The following FHOD1 variants were observed in gnomAD, a reference collection of about 807,000 sequenced individuals.
FHOD1 encodes formin homology 2 domain containing 1.
A neutral mutation model predicts 111.6 loss-of-function variants in FHOD1; 89 were observed. The observed-to-expected ratio is 0.80, with a 90% CI of 0.67 to 0.95. The LOEUF (loss-of-function observed/expected upper bound fraction) is 0.95. Ranked by LOEUF, FHOD1 falls within the 40% of genes least tolerant of loss-of-function variation. The pLI, the probability that FHOD1 is intolerant of heterozygous loss-of-function variation, is 0.00. For missense variants in FHOD1, 1,446 were observed against 1,554.2 expected, an observed-to-expected ratio of 0.93 and a Z score of 1.17; for synonymous variants, 618 against 639.0, an observed-to-expected ratio of 0.97 and a Z score of 0.50.
chr16:67,233,834 CTT>C lies in FHOD1; in HGVS notation c.1867_1868del (p.Lys623GlufsTer10). On this transcript the variant is annotated frameshift_variant, in exon 13 of 22. Coordinates refer to ENST00000258201, the MANE Select transcript of FHOD1 (RefSeq NM_013241.3). LOFTEE classifies it high-confidence loss of function. The part of the protein sequence containing the change: ...SVPDSSALPT[K>X]RKTVKLFWRE... ...GCCAGAAAAGTTTTACTGTCTTCCT[CTT>C]AGTGGGGAGGGCTGAGCTGTCAGGC... 5.6e-6 allele frequency: 9 copies of C among 1,608,258 alleles called. No individual in the cohort carries two copies. The highest frequency in any genetic ancestry group is 7.6e-6 in the Non-Finnish European group (9 of 1,177,034).
intron 17 of FHOD1, 33 bp from the exon 18 acceptor site, chr16:67,230,824 C>G (rs1469134885): frequency 6.5e-6 from 10 of 1,547,644 alleles, no homozygotes; most frequent in Non-Finnish European, 8.7e-6. Context: ...ATACTGTCCC[C>G]CCACACCCTG....
chr16:67,236,520 G>T, intron 11 of FHOD1, 37 bp downstream of exon 11: 1 of 1,601,152 alleles, frequency 6.2e-7, no homozygotes, highest in Non-Finnish European at 8.5e-7. Flanking sequence ...GACAATGGGA[G>T]AGAGGACTCC....
At position 67,238,346 on chromosome 16, in the gene FHOD1, A is replaced by G; in HGVS notation, c.441+34T>C. The G allele has an allele frequency of 6.2e-7, 1 of 1,613,964 alleles. No individual in the cohort carries two copies. ...GGGGGAGTTTAGGGAAGCTTGGGCT[A>G]CACACTTACCCCCAGCCCACTGCGG... On this transcript the variant is annotated intron_variant, in intron 4 of 21. Transcript: ENST00000258201. This position sits in a 1 kb window ranked among gnomAD's most constrained non-coding sequence, Gnocchi z 4.2.
chr16:67,245,858 T>G (rs2034801749), intron 1 of FHOD1, among the ~76,000 whole-genome samples: 1 of 152,130 alleles, frequency 6.6e-6, no homozygotes, highest in Non-Finnish European at 1.5e-5. Context: ...GGATCCGGAC[T>G]TTAGGAGCCT....
chr16:67,245,669 C>T (rs993425919), intron 1 of FHOD1, among the ~76,000 whole-genome samples: 2 of 150,770 alleles, frequency 1.3e-5, no homozygotes, highest in South Asian at 2.2e-4. Flanking sequence ...TGCTAGAACC[C>T]GGGAGGTGGA....
chr16:67,237,398 A>G lies in FHOD1; in HGVS notation c.850-16T>C. Reference sequence around the variant, plus strand: ...CCGCCAGCGTCTGGAGGGCGGGGATAAGAAGGCAAGGCTGAGGTTGGTGGG... The same window carrying G: ...CCGCCAGCGTCTGGAGGGCGGGGATGAGAAGGCAAGGCTGAGGTTGGTGGG... On this transcript the variant is annotated splice_polypyrimidine_tract_variant and intron_variant, in intron 8 of 21. Coordinates refer to ENST00000258201, the MANE Select transcript of FHOD1 (RefSeq NM_013241.3). The surrounding 1 kb of genome is among the most constrained non-coding windows in gnomAD (Gnocchi z 5.6). The G allele has an allele frequency of 1.2e-6, 2 of 1,613,670 alleles. No individual in the cohort carries two copies. Among genetic ancestry groups the G allele is most frequent in the African/African-American group, 2.7e-5 (2 of 75,046 alleles).
chr16:67,230,488 G>C lies in FHOD1; in HGVS notation c.2877C>G (p.Leu959=). Residue 959 remains leucine, a synonymous_variant, in exon 19 of 22, where the codon CTC becomes CTG. Coordinates refer to ENST00000258201, the MANE Select transcript of FHOD1 (RefSeq NM_013241.3). ...CCGCCTGCGGGGTGTAGCCCAGGTA[G>C]AGCAGGAAGGCATGGAACCTAGGCA... is the stretch of plus-strand genomic sequence containing the variant. ...RVCNRFHAFL[L]YLGYTPQAAR... is the part of the protein sequence containing the mutation. 6.2e-7 allele frequency: 1 copy of C among 1,614,244 alleles called. No homozygotes were observed. The highest frequency in any genetic ancestry group is 8.5e-7 in the Non-Finnish European group (1 of 1,180,028).
chr16:67,238,239 A>C lies in FHOD1; in HGVS notation c.510T>G (p.Ala170=). ...AGCTCTGGTAGTTGTGGTCGGCAGC[A>C]GCACCCACACGGATCAGGCAGCTCA... ...EGLSCLIRVG[A]AADHNYQSYI... The change falls in exon 5 of 22, where the codon GCT becomes GCG. Residue 170 remains alanine (A), a synonymous_variant. Transcript: ENST00000258201. This position sits in a 1 kb window ranked among gnomAD's most constrained non-coding sequence, Gnocchi z 4.2. The C allele has an allele frequency of 6.2e-7, 1 of 1,614,172 alleles. No individual in the cohort carries two copies. Among genetic ancestry groups the C allele is most frequent in the Non-Finnish European group, 8.5e-7 (1 of 1,180,018 alleles).
chr16:67,234,196 C>A lies in FHOD1; in HGVS notation c.1507G>T (p.Val503Phe). 1.3e-6 allele frequency: 2 copies of A among 1,548,794 alleles called. No homozygotes were observed. Among genetic ancestry groups the A allele is most frequent in the Non-Finnish European group, 1.7e-6 (2 of 1,145,762 alleles). The stretch of plus-strand genomic sequence containing the variant: ...AGGCTTCGCTGGGCCCGGAGCAGGA[C>A]ACAGGGGGCAGGGCTCTGGGGTGTT... ...ARTPQSPAPC[V>F]LLRAQRSLAP... is the part of the protein sequence containing the mutation. The change falls in exon 13 of 22, where the codon GTC becomes TTC. Residue 503 changes from valine to phenylalanine, a missense_variant. By Grantham distance (50) the Val-to-Phe change is conservative. Coordinates refer to ENST00000258201, the MANE Select transcript of FHOD1 (RefSeq NM_013241.3).
chr16:67,241,949 G>A (rs185890291), intron 1 of FHOD1, among the ~76,000 whole-genome samples: 1 of 152,126 alleles, frequency 6.6e-6, no homozygotes, highest in East Asian at 1.9e-4. Flanking sequence ...TTGGGGAAGG[G>A]TCCTGAAGGT....
intron 13 of FHOD1, among the ~76,000 whole-genome samples, chr16:67,232,622 A>G (rs552915866): frequency 6.6e-6 from 1 of 152,092 alleles, no homozygotes; most frequent in East Asian, 1.9e-4. Context: ...TGATCCCACA[A>G]CTGACAAACT....
chr16:67,244,424 C>T (rs1478328302), intron 1 of FHOD1, among the ~76,000 whole-genome samples: 2 of 152,074 alleles, frequency 1.3e-5, no homozygotes, highest in Non-Finnish European at 2.9e-5. Context: ...CCTGAGTTCC[C>T]CCAGGGACAC....
Position 67,247,358 on chromosome 16 carries a change from A to C in FHOD1, c.53T>G (p.Val18Gly), listed in dbSNP as rs1255213937. The stretch of plus-strand genomic sequence containing the variant: ...GGTGTCTTCCAGGTACTGCACCCTC[A>C]CGGTCACCACTGATACCGGCTCTCC... ...GDGEPVSVVT[V>G]RVQYLEDTDP... Residue 18 changes from valine to glycine, a missense_variant, in exon 1 of 22, where the codon GTG becomes GGG. Around this residue, in one of 3 missense-constraint regions of FHOD1, gnomAD observed 127 missense variants for 118.0 expected, o/e 1.08. Coordinates refer to ENST00000258201, the MANE Select transcript of FHOD1 (RefSeq NM_013241.3). The C allele has an allele frequency of 6.2e-7, 1 of 1,613,534 alleles. No individual in the cohort carries two copies. The highest frequency in any genetic ancestry group is 8.5e-7 in the Non-Finnish European group (1 of 1,179,798).
In FHOD1 at chr16:67,238,931, C is replaced by G; in HGVS notation, c.345G>C (p.Gln115His). 1 of 1,614,214 alleles carries G rather than the reference C, an allele frequency of 6.2e-7. No individual in the cohort carries two copies. The highest frequency in any genetic ancestry group is 8.5e-7 in the Non-Finnish European group (1 of 1,180,028). Residue 115 changes from glutamine to histidine, a missense_variant, in exon 3 of 22, where the codon CAG (glutamine) becomes CAC (histidine). Gln to His is a conservative substitution (Grantham distance 24, BLOSUM62 0). This residue lies in a region of FHOD1 where 234 missense variants were observed against 327.4 expected (regional missense o/e 0.71). Transcript: ENST00000258201. The surrounding 1 kb of genome is among the most constrained non-coding windows in gnomAD (Gnocchi z 4.2). ...AGATAGCGTTGACCCTCACAGAGAG[C>G]TGGGTCCGAAGGATCAGCGTGGGCT... ...GRKPTLILRT[Q>H]LSVRVNAILE...
In FHOD1 at chr16:67,238,169, G is replaced by A. The variant is rs1434669805; in HGVS notation, c.547+33C>T. 1 of 1,613,970 alleles carries A rather than the reference G, an allele frequency of 6.2e-7. No homozygotes were observed. Among genetic ancestry groups the A allele is most frequent in the East Asian group, 2.2e-5 (1 of 44,884 alleles). Reference sequence around the variant, plus strand: ...TGGGCAGAGTCAGCGAGGGTCGCTGGAGCAGAGGTCATGGGAGAGGGGCGG... The same window carrying A: ...TGGGCAGAGTCAGCGAGGGTCGCTGAAGCAGAGGTCATGGGAGAGGGGCGG... On this transcript the variant is annotated intron_variant, in intron 5 of 21. Coordinates refer to ENST00000258201, the MANE Select transcript of FHOD1 (RefSeq NM_013241.3). This position sits in a 1 kb window ranked among gnomAD's most constrained non-coding sequence, Gnocchi z 4.2.
rs753143941 is a variant in FHOD1, at chr16:67,231,684, G to A, written c.2338C>T (p.Arg780Cys). The change falls in exon 15 of 22, where the codon CGT (arginine) becomes TGT (cysteine). Residue 780 changes from arginine (R) to cysteine (C), a missense_variant. Physicochemically the swap from Arg to Cys is radical, Grantham distance 180. Coordinates refer to ENST00000258201, the MANE Select transcript of FHOD1 (RefSeq NM_013241.3). This position sits in a 1 kb window ranked among gnomAD's most constrained non-coding sequence, Gnocchi z 4.3. The part of the protein sequence containing the change: ...TLASIGGLAA[R>C]LQLWAFKLDY... Reference sequence around the variant, plus strand: ...AGCTTGAAGGCCCAGAGTTGTAGACGAGCAGCGAGGCCGCCAATGGAGGCA... The same window carrying A: ...AGCTTGAAGGCCCAGAGTTGTAGACAAGCAGCGAGGCCGCCAATGGAGGCA... The A allele has an allele frequency of 4.0e-5, 64 of 1,614,038 alleles. No individual in the cohort carries two copies. Among genetic ancestry groups the A allele is most frequent in the Middle Eastern group, 1.6e-4 (1 of 6,084 alleles).
At position 67,229,430 on chromosome 16, in the gene FHOD1, A is replaced by C. The variant is rs2034153702; in HGVS notation, c.*206T>G. The C allele has an allele frequency of 1.2e-5, 7 of 606,920 alleles. No homozygotes were observed. Among genetic ancestry groups the C allele is most frequent in the Admixed American group, 3.0e-5 (1 of 33,452 alleles). 37.6% of individuals were successfully genotyped at this position (606,920 alleles called of 1,614,324 possible). A position where few individuals can be genotyped will look rare whatever the true frequency, so the allele number is the denominator to read the frequency against. On this transcript the variant is annotated 3_prime_UTR_variant, in exon 22 of 22. Transcript: ENST00000258201. The stretch of plus-strand genomic sequence containing the variant: ...AATTTTATTTTGCTCCGTGCGTTCA[A>C]GGAGCTCACACACATGCACATGCAT...
At chr16:67,233,243 C>A (rs552850534) in intron 13 of FHOD1, among the ~76,000 whole-genome samples, 16 of 151,850 alleles carry the variant, frequency 1.1e-4, no homozygotes, top group Non-Finnish European at 2.1e-4. Flanking sequence ...CCCGCCACCA[C>A]GCTTGGCTAA....
In FHOD1 at chr16:67,234,203, G is replaced by T; in HGVS notation, c.1500C>A (p.Ala500=). The T allele has an allele frequency of 6.5e-7, 1 of 1,547,584 alleles. No individual in the cohort carries two copies. Among genetic ancestry groups the T allele is most frequent in the Non-Finnish European group, 8.7e-7 (1 of 1,145,424 alleles). Residue 500 remains alanine (A), a synonymous_variant, in exon 13 of 22, where the codon GCC becomes GCA. Coordinates refer to ENST00000258201, the MANE Select transcript of FHOD1 (RefSeq NM_013241.3). ...APAARTPQSP[A]PCVLLRAQRS... is the part of the protein sequence containing the mutation. Reference sequence around the variant, plus strand: ...GCTGGGCCCGGAGCAGGACACAGGGGGCAGGGCTCTGGGGTGTTCTGGCTG... The same window carrying T: ...GCTGGGCCCGGAGCAGGACACAGGGTGCAGGGCTCTGGGGTGTTCTGGCTG...
Sources: allele counts gnomAD v4.1 joint callset (sites outside exome capture counted in the v4.1 genomes callset), GRCh38; gene constraint gnomAD v4.1.1; regional missense constraint gnomAD v4.1.1; non-coding constraint Gnocchi (gnomAD v3.1); transcripts MANE v1.5; gene names NCBI Gene and HGNC (gene_info 2026-07-23, HGNC 2026-07-21).